The following MAPKAPK5 variants were observed in gnomAD, a reference collection of about 807,000 sequenced individuals.
MAPKAPK5 encodes the protein MAPK activated protein kinase 5, also known as MAP kinase-activated protein kinase 5.
A neutral mutation model predicts 65.1 loss-of-function variants in MAPKAPK5; 30 were observed. That is an observed-to-expected ratio of 0.46 (90% CI 0.34 to 0.63). MAPKAPK5 has a LOEUF of 0.63. Ranked by LOEUF, MAPKAPK5 falls within the 20% of genes least tolerant of loss-of-function variation. MAPKAPK5 has a pLI of 0.01. For synonymous variants in MAPKAPK5, 179 were observed against 204.6 expected (o/e 0.87, Z 1.07); for missense variants, 433 against 581.4 (o/e 0.74, Z 2.63).
intron 13 of MAPKAPK5, among the ~76,000 whole-genome samples, chr12:111,890,614 T>C (rs564846472): frequency 6.6e-6 from 1 of 152,302 alleles, no homozygotes; most frequent in African/African-American, 2.4e-5. Context: ...TACTGCTGGT[T>C]AAGTTTTTTT....
At chr12:111,846,613 A>G (rs1023932051) in intron 1 of MAPKAPK5, among the ~76,000 whole-genome samples, 2 of 150,750 alleles carry the variant, frequency 1.3e-5, no homozygotes, top group Non-Finnish European at 2.9e-5. Flanking sequence ...CTTCTGCCTC[A>G]GCCTCCCGAG....
At chr12:111,888,270 G>C in intron 10 of MAPKAPK5, 3 of 489,334 alleles carry the variant, frequency 6.1e-6, no homozygotes, top group African/African-American at 2.0e-5. Flanking sequence ...AGGGAAGAAG[G>C]GCTAGTTGTT....
chr12:111,851,246 A>G (rs2069073817), intron 1 of MAPKAPK5, among the ~76,000 whole-genome samples: 1 of 152,008 alleles, frequency 6.6e-6, no homozygotes, highest in Non-Finnish European at 1.5e-5. Flanking sequence ...GGCCACTGAG[A>G]ATCCCATGAG....
chr12:111,895,465 A>C lies in MAPKAPK5; in HGVS notation c.*2404A>C, dbSNP rs1045101354. On this transcript the variant is annotated 3_prime_UTR_variant, in exon 14 of 14. Transcript: ENST00000550735. ...GATATTTTTTGAGATAAAGTTCACT[A>C]ATCTTAGGTGACTGATAACTGTTAT... is the stretch of plus-strand genomic sequence containing the variant. 6.6e-6 allele frequency: 1 copy of C among 151,824 alleles called. No individual in the cohort carries two copies. Among genetic ancestry groups the C allele is most frequent in the Admixed American group, 6.6e-5 (1 of 15,220 alleles). 9.4% of individuals were successfully genotyped at this position (151,824 alleles called of 1,614,324 possible). A position where few individuals can be genotyped will look rare whatever the true frequency, so the allele number is the denominator to read the frequency against.
intron 7 of MAPKAPK5, among the ~76,000 whole-genome samples, chr12:111,874,848 C>T (rs1313796050): frequency 5.4e-5 from 8 of 149,036 alleles, no homozygotes. Flanking sequence ...AATCTCGGCT[C>T]ACTGCAATCT....
At chr12:111,889,787 T>C (rs923286315) in intron 12 of MAPKAPK5, 1 of 390,614 alleles carries the variant, frequency 2.6e-6, no homozygotes, top group South Asian at 3.0e-5. Flanking sequence ...CCACAGCCTA[T>C]TTCCCATCCC....
chr12:111,845,132 TG>T (rs1337257457), intron 1 of MAPKAPK5, among the ~76,000 whole-genome samples: 1 of 152,066 alleles, frequency 6.6e-6, no homozygotes, highest in Non-Finnish European at 1.5e-5. Context: ...TCTCACCCTA[TG>T]TTTTTTTTTG....
chr12:111,852,023 G>A (rs1419800693), intron 1 of MAPKAPK5, among the ~76,000 whole-genome samples: 1 of 152,158 alleles, frequency 6.6e-6, no homozygotes, highest in Non-Finnish European at 1.5e-5. Flanking sequence ...GGAATAAGAT[G>A]TACAAGAAAC....
chr12:111,867,470 A>C (rs1274668239), intron 3 of MAPKAPK5, 102 bp from the exon 4 acceptor site: 3 of 748,826 alleles, frequency 4.0e-6, no homozygotes, highest in Middle Eastern at 2.5e-4. Context: ...TCTAAGTGAT[A>C]AAGTTTTTAT....
intron 9 of MAPKAPK5, among the ~76,000 whole-genome samples, chr12:111,884,913 T>C (rs1276057072): frequency 6.6e-6 from 1 of 152,246 alleles, no homozygotes; most frequent in East Asian, 1.9e-4. Flanking sequence ...TTCTGTGTGC[T>C]ATAAAGAGGG....
rs1332313164 is a variant in MAPKAPK5, at chr12:111,859,184, TC to T, written c.37-6060del. On this transcript the variant is annotated intron_variant, in intron 1 of 13. Transcript: ENST00000550735. Reference sequence around the variant, plus strand: ...TATAGCAACTCTGGATTCTGAGTTTTCCCCCCTGTGGCTTGTTATATTTACA... The same window carrying T: ...TATAGCAACTCTGGATTCTGAGTTTTCCCCCTGTGGCTTGTTATATTTACA... Among the ~76,000 whole-genome samples, 7 of 148,322 alleles carry T rather than the reference TC, an allele frequency of 4.7e-5. 2 individuals are homozygous for T. Among genetic ancestry groups the T allele is most frequent in the Non-Finnish European group, 1.0e-4 (7 of 67,140 alleles).
chr12:111,842,690 C>G lies in MAPKAPK5; in HGVS notation c.-44C>G. The G allele has an allele frequency of 7.4e-7, 1 of 1,351,954 alleles. No individual in the cohort carries two copies. The highest frequency in any genetic ancestry group is 9.6e-7 in the Non-Finnish European group (1 of 1,045,588). 83.7% of individuals were successfully genotyped at this position (1,351,954 alleles called of 1,614,324 possible). A position where few individuals can be genotyped will look rare whatever the true frequency, so the allele number is the denominator to read the frequency against. On this transcript the variant is annotated 5_prime_UTR_variant, in exon 1 of 14. Coordinates refer to ENST00000550735, the MANE Select transcript of MAPKAPK5 (RefSeq NM_003668.4). ...CCTCGGCCGCGCGGGGACAGGGCTGCTGAGCAGCCTCCGCCTCTCCCGGCT... is the reference window on the plus strand; with the variant it reads ...CCTCGGCCGCGCGGGGACAGGGCTGGTGAGCAGCCTCCGCCTCTCCCGGCT...
rs745534312 is a variant in MAPKAPK5 at position 111,901,742 on chromosome 12, C to A, written c.*8681C>A. On this transcript the variant is annotated 3_prime_UTR_variant, in exon 14 of 14. Transcript: ENST00000550735. ...GGGAGATGAAGCCAAGTATATCAAA[C>A]TCCTCAAGTACTGAGTGGGAATGAG... The A allele has an allele frequency of 1.7e-5, 4 of 238,150 alleles. No individual in the cohort carries two copies. Among genetic ancestry groups the A allele is most frequent in the Non-Finnish European group, 2.5e-5 (3 of 120,378 alleles). 14.8% of individuals were successfully genotyped at this position (238,150 alleles called of 1,614,324 possible).
intron 1 of MAPKAPK5, among the ~76,000 whole-genome samples, chr12:111,864,763 A>AT (rs980292120): frequency 2.6e-4 from 40 of 151,950 alleles, no homozygotes; most frequent in Admixed American, 5.9e-4. Flanking sequence ...ATTAGTTACT[A>AT]TTTTTTTTGA....
chr12:111,867,760 C>A, intron 4 of MAPKAPK5, 91 bp downstream of exon 4: 1 of 928,724 alleles, frequency 1.1e-6, no homozygotes, highest in Non-Finnish European at 1.7e-6. Context: ...CTCCCCTTCC[C>A]TCTCCTTCTT....
intron 10 of MAPKAPK5, chr12:111,887,650 G>C (rs1020476773): frequency 6.7e-6 from 1 of 148,706 alleles, no homozygotes; most frequent in African/African-American, 2.5e-5. Flanking sequence ...ACTCCAGCCT[G>C]GGAGACAGAG....
In MAPKAPK5 at chr12:111,872,631, C is replaced by T. The variant is rs1438942876; in HGVS notation, c.579+1451C>T. On this transcript the variant is annotated intron_variant, in intron 7 of 13. Coordinates refer to ENST00000550735, the MANE Select transcript of MAPKAPK5 (RefSeq NM_003668.4). ...GAAATGAGAAGTCTGAAATGGTACT[C>T]AGTGCTATAATCAAGGTGTCAGCAG... Among the ~76,000 whole-genome samples the T allele has an allele frequency of 2.6e-5, 4 of 152,154 alleles. No individual in the cohort carries two copies. In the South Asian group the frequency reaches 8.3e-4, roughly 32 times the overall value.
At chr12:111,862,596 T>C (rs984110887) in intron 1 of MAPKAPK5, among the ~76,000 whole-genome samples, 3 of 151,934 alleles carry the variant, frequency 2.0e-5, no homozygotes, top group Non-Finnish European at 4.4e-5. Context: ...AGCTACTTGG[T>C]AGGCTGAGGC....
intron 1 of MAPKAPK5, among the ~76,000 whole-genome samples, chr12:111,862,869 G>T (rs1034678418): frequency 6.6e-6 from 1 of 152,110 alleles, no homozygotes; most frequent in Non-Finnish European, 1.5e-5. Context: ...TTTTTACCAC[G>T]ATGCTTAAAT....
Sources: allele counts gnomAD v4.1 joint callset (sites outside exome capture counted in the v4.1 genomes callset), GRCh38; gene constraint gnomAD v4.1.1; transcripts MANE v1.5; gene names NCBI Gene and HGNC (gene_info 2026-07-23, HGNC 2026-07-21).